PHF14: variants seen among roughly 807,000 people sequenced by gnomAD.
PHF14 encodes the protein PHD finger protein 14.
Under a neutral mutation model 117.9 loss-of-function variants are expected in PHF14, and 55 were observed. That is an observed-to-expected ratio of 0.47 (90% CI 0.38 to 0.58). PHF14 has a LOEUF of 0.58. Among genes scored for constraint, PHF14 ranks in the 20% least tolerant of loss-of-function variants. PHF14 has a pLI of 0.00. For synonymous variants in PHF14, 409 were observed against 368.6 expected (o/e 1.11, Z -1.26); for missense variants, 978 against 1,122.2 (o/e 0.87, Z 1.84).
chr7:11,064,758 A>G (rs1450609838), intron 16 of PHF14, among the ~76,000 whole-genome samples: 1 of 152,016 alleles, frequency 6.6e-6, no homozygotes, highest in African/African-American at 2.4e-5. Flanking sequence ...GTAAGTTTCA[A>G]CTGTTATTTT....
chr7:11,001,574 T>A (rs557813582), intron 4 of PHF14, among the ~76,000 whole-genome samples: 1 of 132,754 alleles, frequency 7.5e-6, no homozygotes, highest in East Asian at 2.0e-4. Context: ...TTCATCAGAG[T>A]TTTGCAGTTT....
At chr7:11,066,259 T>G (rs1005956746) in intron 16 of PHF14, among the ~76,000 whole-genome samples, 8 of 152,220 alleles carry the variant, frequency 5.3e-5, no homozygotes, top group Non-Finnish European at 8.8e-5. Context: ...AGTCTCTCGT[T>G]ATTCTGATTA....
intron 17 of PHF14, among the ~76,000 whole-genome samples, chr7:11,162,861 C>T (rs1013481209): frequency 6.6e-6 from 1 of 152,056 alleles, no homozygotes; most frequent in Non-Finnish European, 1.5e-5. Flanking sequence ...TTCTTTGCTA[C>T]GAAAAGCTGC....
At chr7:11,073,910 C>G (rs1023992059) in intron 16 of PHF14, among the ~76,000 whole-genome samples, 1 of 152,154 alleles carries the variant, frequency 6.6e-6, no homozygotes, top group African/African-American at 2.4e-5. Flanking sequence ...GTGAGCTGTA[C>G]CTGGGGCTCT....
At chr7:11,152,134 C>T (rs1788719034) in intron 17 of PHF14, among the ~76,000 whole-genome samples, 1 of 151,348 alleles carries the variant, frequency 6.6e-6, no homozygotes. Context: ...AGACTTAGGA[C>T]CTTTTAAGAT....
intron 2 of PHF14, 23 bp downstream of exon 2, chr7:10,974,968 C>T (rs1187041958): frequency 5.1e-6 from 6 of 1,171,946 alleles, no homozygotes; most frequent in Non-Finnish European, 7.5e-6. Flanking sequence ...TTCTCTCTTC[C>T]CCTTTCCCAG....
At chr7:11,159,897 A>G (rs758934762) in intron 17 of PHF14, among the ~76,000 whole-genome samples, 1 of 152,208 alleles carries the variant, frequency 6.6e-6, no homozygotes, top group Non-Finnish European at 1.5e-5. Flanking sequence ...TTCCGCTTCT[A>G]TCAACTTAAT....
At chr7:11,139,784 A>G (rs1788347529) in intron 17 of PHF14, among the ~76,000 whole-genome samples, 2 of 152,214 alleles carry the variant, frequency 1.3e-5, no homozygotes, top group East Asian at 1.9e-4. Context: ...AGGTACAAAA[A>G]GTAAAAAGGT....
chr7:11,102,506 C>A (rs776531964), intron 16 of PHF14: 1 of 1,609,590 alleles, frequency 6.2e-7, no homozygotes, highest in Non-Finnish European at 8.5e-7. Context: ...TGAGACCCAA[C>A]TCTGCCACAG....
chr7:11,124,441 C>T (rs1787860604), intron 17 of PHF14, among the ~76,000 whole-genome samples: 1 of 151,914 alleles, frequency 6.6e-6, no homozygotes, highest in South Asian at 2.1e-4. Context: ...CTAGATCAAA[C>T]AATATAAACA....
chr7:11,080,727 C>T (rs117510366), intron 16 of PHF14, among the ~76,000 whole-genome samples: 1 of 152,086 alleles, frequency 6.6e-6, no homozygotes, highest in African/African-American at 2.4e-5. Flanking sequence ...GATATATATC[C>T]TAATGGTTTC....
Position 11,140,162 on chromosome 7 carries a change from A to G in PHF14, c.2772+28695A>G, listed in dbSNP as rs891452465. ...CTCATACCCCTGCACACACCTGTAC[A>G]TACATCTCTACCAACAACTCTACAC... On this transcript the variant is annotated intron_variant, in intron 17 of 17. Transcript: ENST00000634607. 2.4e-4 allele frequency among the ~76,000 whole-genome samples: 37 copies of G among 152,132 alleles called. 1 individual carries two copies. The highest frequency in any genetic ancestry group is 2.4e-3 in the Admixed American group (36 of 15,270).
intron 16 of PHF14, among the ~76,000 whole-genome samples, chr7:11,083,819 T>G (rs747710102): frequency 1.3e-5 from 2 of 152,140 alleles, no homozygotes; most frequent in Non-Finnish European, 2.9e-5. Flanking sequence ...CTTAGTAAGA[T>G]AATTGTAAAA....
intron 4 of PHF14, among the ~76,000 whole-genome samples, chr7:11,005,503 G>T (rs148832903): frequency 7.3e-4 from 111 of 152,270 alleles, no homozygotes; most frequent in Middle Eastern, 3.4e-3. Context: ...CTGTTTCTCT[G>T]TTTTGTCCAC....
intron 8 of PHF14, 64 bp from the exon 9 acceptor site, chr7:11,036,353 TA>T: frequency 7.5e-7 from 1 of 1,332,058 alleles, no homozygotes; most frequent in Non-Finnish European, 1.0e-6. Context: ...AAAATCAATG[TA>T]AAAATCTTAA....
At chr7:11,028,959 T>A in intron 7 of PHF14, 141 bp downstream of exon 7, 1 of 663,438 alleles carries the variant, frequency 1.5e-6, no homozygotes, top group Non-Finnish European at 2.4e-6. Flanking sequence ...TCTAAAACTT[T>A]AAGAGTAAAT....
At chr7:11,045,082 G>A (rs1029742335) in intron 13 of PHF14, among the ~76,000 whole-genome samples, 1 of 152,112 alleles carries the variant, frequency 6.6e-6, no homozygotes, top group Non-Finnish European at 1.5e-5. Context: ...ATTCTGTGAT[G>A]CCATGTTGAT....
intron 17 of PHF14, among the ~76,000 whole-genome samples, chr7:11,166,488 T>A (rs1188629266): frequency 1.3e-5 from 2 of 152,306 alleles, no homozygotes; most frequent in East Asian, 3.9e-4. Context: ...ACTTTAATGA[T>A]TTTTATTAAT....
Position 10,974,285 on chromosome 7 carries a change from C to G in PHF14, c.-39C>G, listed in dbSNP as rs748644313. On this transcript the variant is annotated 5_prime_UTR_variant, in exon 1 of 18. Transcript: ENST00000634607. ...CGCTGCCTGGGCTCCTGCAGCCTCT[C>G]CCTAAGTCTTCTCCAAACGACCACC... 2 of 1,576,090 alleles carry G rather than the reference C, an allele frequency of 1.3e-6. No individual in the cohort carries two copies. Among genetic ancestry groups the G allele is most frequent in the South Asian group, 2.3e-5 (2 of 86,364 alleles).
Sources: allele counts gnomAD v4.1 joint callset (sites outside exome capture counted in the v4.1 genomes callset), GRCh38; gene constraint gnomAD v4.1.1; transcripts MANE v1.5; gene names NCBI Gene and HGNC (gene_info 2026-07-23, HGNC 2026-07-21).